The following KIRREL3 variants were observed in gnomAD, a reference collection of about 807,000 sequenced individuals.
KIRREL3 encodes kin of IRRE-like protein 3.
In KIRREL3, 36 loss-of-function variants were observed where a neutral mutation model predicts 89.7. That is an observed-to-expected ratio of 0.40 (90% CI 0.31 to 0.53). KIRREL3 has a LOEUF of 0.53. KIRREL3 is among the 20% of genes least tolerant of loss of function. The pLI, the probability that KIRREL3 is intolerant of heterozygous loss-of-function variation, is 0.49. For missense variants in KIRREL3, 864 were observed against 1,056.6 expected, an observed-to-expected ratio of 0.82 and a Z score of 2.53; for synonymous variants, 445 against 441.4, an observed-to-expected ratio of 1.01 and a Z score of -0.10.
chr11:126,557,497 G>A lies in KIRREL3; in HGVS notation c.133+5338C>T, dbSNP rs1171681341. On this transcript the variant is annotated intron_variant, in intron 2 of 16. Coordinates refer to ENST00000525144, the MANE Select transcript of KIRREL3 (RefSeq NM_032531.4). The surrounding 1 kb of genome is among the most constrained non-coding windows in gnomAD (Gnocchi z 5.6). The stretch of plus-strand genomic sequence containing the variant: ...TGAAACATGATTCCATTTTGCACAT[G>A]AGAAGGTTGAGATCTTAGTGTCTAG... 6.6e-6 allele frequency among the ~76,000 whole-genome samples: 1 copy of A among 152,154 alleles called. No homozygotes were observed. Among genetic ancestry groups the A allele is most frequent in the Non-Finnish European group, 1.5e-5 (1 of 68,026 alleles).
At chr11:126,916,078 A>G (rs1376922110) in intron 1 of KIRREL3, among the ~76,000 whole-genome samples, 2 of 152,234 alleles carry the variant, frequency 1.3e-5, no homozygotes, top group Non-Finnish European at 2.9e-5. Flanking sequence ...ACAGCCTTTC[A>G]CAGTGCTTCC....
chr11:126,592,872 T>G (rs1942211191), intron 1 of KIRREL3, among the ~76,000 whole-genome samples: 1 of 152,050 alleles, frequency 6.6e-6, no homozygotes, highest in Non-Finnish European at 1.5e-5. Flanking sequence ...AAAGGCCTGT[T>G]GTTGAGAGAA....
At chr11:126,887,911 G>C (rs1186638234) in intron 1 of KIRREL3, among the ~76,000 whole-genome samples, 1 of 152,210 alleles carries the variant, frequency 6.6e-6, no homozygotes, top group East Asian at 1.9e-4. Context: ...GAGAGAGGGG[G>C]TGGGAACAGG....
At position 126,867,352 on chromosome 11, in the gene KIRREL3, T is replaced by A. The variant is rs1039927958; in HGVS notation, c.55+133103A>T. Among the ~76,000 whole-genome samples, 4 of 152,198 alleles carry A rather than the reference T, an allele frequency of 2.6e-5. No homozygotes were observed. The highest frequency in any genetic ancestry group is 6.5e-5 in the Admixed American group (1 of 15,276). ...AATGGGTCCAGGTGCCTCGAGGTTC[T>A]ACACACGGCCTGCCTTAGCCATCAG... On this transcript the variant is annotated intron_variant, in intron 1 of 16. Transcript: ENST00000525144. The surrounding 1 kb of genome is among the most constrained non-coding windows in gnomAD (Gnocchi z 4.7).
intron 1 of KIRREL3, among the ~76,000 whole-genome samples, chr11:126,650,893 C>A (rs1417324021): frequency 6.6e-6 from 1 of 152,210 alleles, no homozygotes; most frequent in Non-Finnish European, 1.5e-5. Context: ...ACTTACAGTT[C>A]CACATGGCTG....
chr11:126,943,550 T>TA lies in KIRREL3; in HGVS notation c.55+56904dup, dbSNP rs1332947407. Reference sequence around the variant, plus strand: ...GTGAAGGATGAGCCCAGGACAAGATTAAATCAGCAGACTGAACGATAAATG... The same window carrying TA: ...GTGAAGGATGAGCCCAGGACAAGATTAAAATCAGCAGACTGAACGATAAATG... On this transcript the variant is annotated intron_variant, in intron 1 of 16. Transcript: ENST00000525144. This position sits in a 1 kb window ranked among gnomAD's most constrained non-coding sequence, Gnocchi z 4.2. Among the ~76,000 whole-genome samples, 1 of 152,172 alleles carries TA rather than the reference T, an allele frequency of 6.6e-6. No homozygotes were observed. The highest frequency in any genetic ancestry group is 1.5e-5 in the Non-Finnish European group (1 of 68,024).
rs1305470899 is a variant in KIRREL3 at position 126,571,057 on chromosome 11, G to A, written c.56-8145C>T. On this transcript the variant is annotated intron_variant, in intron 1 of 16. Coordinates refer to ENST00000525144, the MANE Select transcript of KIRREL3 (RefSeq NM_032531.4). The surrounding 1 kb of genome is among the most constrained non-coding windows in gnomAD (Gnocchi z 7.7). ...GTCCTGAGTCCCACAGCTGGCAAAT[G>A]GTGAGGCTTGCCGTACACCTCCATG... is the stretch of plus-strand genomic sequence containing the variant. Among the ~76,000 whole-genome samples the A allele has an allele frequency of 6.6e-6, 1 of 152,184 alleles. No homozygotes were observed. Among genetic ancestry groups the A allele is most frequent in the East Asian group, 1.9e-4 (1 of 5,194 alleles).
chr11:126,840,617 A>T (rs752396118), intron 1 of KIRREL3, among the ~76,000 whole-genome samples: 6 of 152,214 alleles, frequency 3.9e-5, no homozygotes, highest in Non-Finnish European at 8.8e-5. Context: ...GGAACAAAAA[A>T]TTCCTAAGTT....
rs1404606270 is a variant in KIRREL3, at chr11:126,498,604, G to T, written c.433+22711C>A. ...GAGGTGCTAATGGTCTCCGGGGCAT[G>T]CCAAGTGTCACAGCCAGGAGGGGAA... On this transcript the variant is annotated intron_variant, in intron 4 of 16. Coordinates refer to ENST00000525144, the MANE Select transcript of KIRREL3 (RefSeq NM_032531.4). The surrounding 1 kb of genome is among the most constrained non-coding windows in gnomAD (Gnocchi z 4.3). Among the ~76,000 whole-genome samples the T allele has an allele frequency of 6.6e-6, 1 of 152,202 alleles. No homozygotes were observed. The highest frequency in any genetic ancestry group is 1.5e-5 in the Non-Finnish European group (1 of 68,030).
intron 2 of KIRREL3, among the ~76,000 whole-genome samples, chr11:126,529,700 T>C (rs1958884916): frequency 6.6e-6 from 1 of 151,292 alleles, no homozygotes; most frequent in Non-Finnish European, 1.5e-5. Context: ...GGAAGATGAG[T>C]ACACAGGAAA....
At position 126,613,871 on chromosome 11, in the gene KIRREL3, C is replaced by CTTTTTTTT. The variant is rs5795506; in HGVS notation, c.56-50967_56-50960dup. Among the ~76,000 whole-genome samples, 35 of 88,538 alleles carry CTTTTTTTT rather than the reference C, an allele frequency of 4.0e-4. 1 individual carries two copies. Among genetic ancestry groups the CTTTTTTTT allele is most frequent in the African/African-American group, 6.3e-4 (12 of 19,024 alleles). 58.1% of individuals were successfully genotyped at this position (88,538 alleles called of 152,430 possible). A position where few individuals can be genotyped will look rare whatever the true frequency, so the allele number is the denominator to read the frequency against. On this transcript the variant is annotated intron_variant, in intron 1 of 16. Coordinates refer to ENST00000525144, the MANE Select transcript of KIRREL3 (RefSeq NM_032531.4). ...CATTTCTGGAATGTTAATACTGTTG[C>CTTTTTTTT]TTTTTTTTTTTTTTTTTTTTTTATT...
rs1945101355 is a variant in KIRREL3, at chr11:126,655,647, G to C, written c.56-92735C>G. On this transcript the variant is annotated intron_variant, in intron 1 of 16. Transcript: ENST00000525144. This position sits in a 1 kb window ranked among gnomAD's most constrained non-coding sequence, Gnocchi z 5.0. ...CAACGCAGTTGTCATCTCGGGAGCA[G>C]TGTGTGCCCGTCCACCCTGGGAGAG... 6.6e-6 allele frequency among the ~76,000 whole-genome samples: 1 copy of C among 152,170 alleles called. No homozygotes were observed.
In KIRREL3 at chr11:126,668,364, C is replaced by A. The variant is rs547148712; in HGVS notation, c.56-105452G>T. 3.9e-5 allele frequency among the ~76,000 whole-genome samples: 6 copies of A among 152,264 alleles called. No homozygotes were observed. The highest frequency in any genetic ancestry group is 9.6e-5 in the African/African-American group (4 of 41,548). On this transcript the variant is annotated intron_variant, in intron 1 of 16. Coordinates refer to ENST00000525144, the MANE Select transcript of KIRREL3 (RefSeq NM_032531.4). The surrounding 1 kb of genome is among the most constrained non-coding windows in gnomAD (Gnocchi z 4.4). ...AAGGCCTCACCTCCTAATACCGTAG[C>A]CTTGGAGGTGAGAATTTTAGCTTAT...
intron 1 of KIRREL3, among the ~76,000 whole-genome samples, chr11:126,847,173 A>G (rs1157234544): frequency 1.3e-5 from 2 of 152,242 alleles, no homozygotes; most frequent in Non-Finnish European, 2.9e-5. Context: ...TAAAAATCAT[A>G]CAGGAAGCAT....
chr11:126,839,280 C>A (rs1032590847), intron 1 of KIRREL3, among the ~76,000 whole-genome samples: 3 of 152,124 alleles, frequency 2.0e-5, no homozygotes, highest in Admixed American at 2.0e-4. Flanking sequence ...TCAGAGAGCT[C>A]ATTGTCTTTT....
At chr11:126,826,477 G>A (rs4937189) in intron 1 of KIRREL3, among the ~76,000 whole-genome samples, 40,372 of 151,980 alleles carry the variant, frequency 0.27, 5,464 homozygotes, top group Admixed American at 0.32. Flanking sequence ...GGCCTTCAGA[G>A]CATCATTCTT....
chr11:126,439,941 T>C (rs1199318391), intron 11 of KIRREL3, among the ~76,000 whole-genome samples: 1 of 151,952 alleles, frequency 6.6e-6, no homozygotes, highest in Non-Finnish European at 1.5e-5. Context: ...GGATAAGTTC[T>C]TTGAGGAAGG....
rs113070569 is a variant in KIRREL3, at chr11:126,536,339, T to G, written c.134-9652A>C. On this transcript the variant is annotated intron_variant, in intron 2 of 16. Transcript: ENST00000525144. ...GTGCCCATAGAGGCTGGGATCTGAC[T>G]CAGAGGAGCCGTTGCTTACTCCTCC... 6.8e-3 allele frequency among the ~76,000 whole-genome samples: 1,036 copies of G among 152,186 alleles called. 6 individuals are homozygous for G. Among genetic ancestry groups the G allele is most frequent in the African/African-American group, 0.023 (973 of 41,516 alleles).
intron 9 of KIRREL3, among the ~76,000 whole-genome samples, chr11:126,445,552 G>C (rs1955755547): frequency 6.6e-6 from 1 of 152,204 alleles, no homozygotes; most frequent in South Asian, 2.1e-4. Context: ...TCATTTTCAG[G>C]ATCCCTTTGG....
Sources: gnomAD v4.1 joint callset for allele counts (sites outside exome capture counted in the v4.1 genomes callset) on GRCh38, gnomAD v4.1.1 for gene constraint, Gnocchi (gnomAD v3.1) non-coding constraint, MANE v1.5 for transcripts, NCBI Gene and HGNC (gene_info 2026-07-23, HGNC 2026-07-21) for gene names.